ADCK1: variants seen among roughly 807,000 people sequenced by gnomAD.
The protein encoded by ADCK1 is aarF domain containing kinase 1.
ADCK1 carries 41 observed loss-of-function variants against 52.3 expected under a neutral mutation model. The observed-to-expected ratio is 0.78, with a 90% confidence interval of 0.61 to 1.02. The LOEUF is 1.02. Ranked by LOEUF, ADCK1 falls within the 50% of genes least tolerant of loss-of-function variation. The pLI, the probability that ADCK1 is intolerant of heterozygous loss-of-function variation, is 0.00. For synonymous variants in ADCK1, 250 were observed against 274.6 expected, an observed-to-expected ratio of 0.91 and a Z score of 0.89; for missense variants, 658 against 679.5, an observed-to-expected ratio of 0.97 and a Z score of 0.35.
intron 3 of ADCK1, among the ~76,000 whole-genome samples, chr14:77,839,909 A>T (rs1301542143): frequency 9.5e-6 from 1 of 104,868 alleles, no homozygotes; most frequent in African/African-American, 3.9e-5. Context: ...ACAGAGTGAG[A>T]CCCTGTCTCA....
chr14:77,903,263 G>A (rs2083587443), intron 6 of ADCK1, among the ~76,000 whole-genome samples: 1 of 152,222 alleles, frequency 6.6e-6, no homozygotes, highest in South Asian at 2.1e-4. Flanking sequence ...ATAACAAGGG[G>A]GAAGTGAATT....
In ADCK1 at chr14:77,824,125, C is replaced by G. The variant is rs371895302; in HGVS notation, c.219+1607C>G. Among the ~76,000 whole-genome samples, 32 of 151,774 alleles carry G rather than the reference C, an allele frequency of 2.1e-4. 1 individual carries two copies. The East Asian group carries it at 4.1e-3, about 20-fold the overall frequency. On this transcript the variant is annotated intron_variant, in intron 3 of 10. Coordinates refer to ENST00000238561, the MANE Select transcript of ADCK1 (RefSeq NM_020421.4). The stretch of plus-strand genomic sequence containing the variant: ...TGACGGCCAGGCTGGTCTTGAACTC[C>G]TGGCCTCAAGTGATCCGCCGCCTCA...
chr14:77,842,762 C>G (rs779817022), intron 3 of ADCK1, among the ~76,000 whole-genome samples: 2 of 151,982 alleles, frequency 1.3e-5, no homozygotes, highest in Non-Finnish European at 2.9e-5. Flanking sequence ...GTTGGCCAGG[C>G]TTGTCTTGAA....
At position 77,933,776 on chromosome 14, in the gene ADCK1, C is replaced by A. The variant is rs888603451; in HGVS notation, c.*385C>A. ...ATTTTGTTGGAGGTGCACATGGTCT[C>A]TGAATTTGACAGAGAACACCTTCCC... is the stretch of plus-strand genomic sequence containing the variant. On this transcript the variant is annotated 3_prime_UTR_variant, in exon 11 of 11. Coordinates refer to ENST00000238561, the MANE Select transcript of ADCK1 (RefSeq NM_020421.4). 2.5e-4 allele frequency: 47 copies of A among 191,310 alleles called. No homozygotes were observed. Among genetic ancestry groups the A allele is most frequent in the African/African-American group, 1.0e-3 (45 of 43,362 alleles). 11.9% of individuals were successfully genotyped at this position (191,310 alleles called of 1,614,324 possible).
intron 9 of ADCK1, among the ~76,000 whole-genome samples, chr14:77,928,868 C>T (rs935704223): frequency 1.3e-5 from 2 of 152,208 alleles, no homozygotes; most frequent in Non-Finnish European, 2.9e-5. Context: ...CCAAAAGTCA[C>T]CCCTTAATAC....
intron 4 of ADCK1, among the ~76,000 whole-genome samples, chr14:77,875,297 G>A (rs954639534): frequency 2.0e-5 from 3 of 152,070 alleles, no homozygotes; most frequent in Non-Finnish European, 4.4e-5. Context: ...GGACGGTGGT[G>A]GGTGTTAGCA....
intron 1 of ADCK1, among the ~76,000 whole-genome samples, chr14:77,806,901 G>C (rs2081235455): frequency 6.6e-6 from 1 of 152,010 alleles, no homozygotes; most frequent in Non-Finnish European, 1.5e-5. Context: ...TTTTAGGAGA[G>C]ATGGTGTTTC....
chr14:77,874,444 G>A (rs1245293442), intron 4 of ADCK1, among the ~76,000 whole-genome samples: 1 of 152,178 alleles, frequency 6.6e-6, no homozygotes, highest in African/African-American at 2.4e-5. Context: ...GTACAGAAAG[G>A]CATGGAGAAG....
chr14:77,850,972 T>A (rs1449070616), intron 3 of ADCK1, among the ~76,000 whole-genome samples: 3 of 152,092 alleles, frequency 2.0e-5, no homozygotes, highest in South Asian at 2.1e-4. Context: ...TCTTTTTTTT[T>A]ATCCTTCTAT....
rs553302723 is a variant in ADCK1 at position 77,891,921 on chromosome 14, C to T, written c.582+4672C>T. 3.9e-5 allele frequency among the ~76,000 whole-genome samples: 6 copies of T among 152,264 alleles called. No homozygotes were observed. In the South Asian group the frequency reaches 6.2e-4, roughly 16 times the overall value. ...TTCTGTGTTGAGACCTAAATGGTGT[C>T]TTATATTTAGGAATGACAATCCAAG... On this transcript the variant is annotated intron_variant, in intron 5 of 10. Coordinates refer to ENST00000238561, the MANE Select transcript of ADCK1 (RefSeq NM_020421.4).
intron 3 of ADCK1, among the ~76,000 whole-genome samples, chr14:77,831,229 T>C (rs1187709385): frequency 6.6e-6 from 1 of 152,026 alleles, no homozygotes; most frequent in Non-Finnish European, 1.5e-5. Context: ...GAGGAAGGGG[T>C]GAGCTGAGCA....
rs1417400831 is a variant in ADCK1, at chr14:77,931,632, A to G, written c.1321A>G (p.Ile441Val). Reference sequence around the variant, plus strand: ...GAAGACCAACGACCTGCTGCGTGGCATTGAGGCCGCCCTGGGCACCCGCGC... The same window carrying G: ...GAAGACCAACGACCTGCTGCGTGGCGTTGAGGCCGCCCTGGGCACCCGCGC... ...ILKTNDLLRG[I>V]EAALGTRASA... The change falls in exon 10 of 11, where the codon ATT becomes GTT. Residue 441 changes from isoleucine to valine, a missense_variant. Ile to Val is a conservative substitution (Grantham distance 29, BLOSUM62 3). Coordinates refer to ENST00000238561, the MANE Select transcript of ADCK1 (RefSeq NM_020421.4). The G allele has an allele frequency of 3.1e-6, 5 of 1,612,822 alleles. No individual in the cohort carries two copies. The highest frequency in any genetic ancestry group is 4.2e-6 in the Non-Finnish European group (5 of 1,180,032).
At position 77,890,694 on chromosome 14, in the gene ADCK1, C is replaced by T. The variant is rs188862315; in HGVS notation, c.582+3445C>T. Among the ~76,000 whole-genome samples, 21 of 152,094 alleles carry T rather than the reference C, an allele frequency of 1.4e-4. No homozygotes were observed. In the East Asian group the frequency reaches 2.5e-3, roughly 18 times the overall value. ...ACTGGAAAGGGTATTTTGGATCTGG[C>T]GATTTAGGGTGGTTAGAAAGAGCAG... On this transcript the variant is annotated intron_variant, in intron 5 of 10. Coordinates refer to ENST00000238561, the MANE Select transcript of ADCK1 (RefSeq NM_020421.4).
At chr14:77,819,881 T>C (rs2081543827) in intron 2 of ADCK1, among the ~76,000 whole-genome samples, 1 of 152,202 alleles carries the variant, frequency 6.6e-6, no homozygotes, top group Non-Finnish European at 1.5e-5. Flanking sequence ...GGTTGTCATC[T>C]CACCATCTCC....
At chr14:77,816,483 C>G (rs1371283714) in intron 1 of ADCK1, among the ~76,000 whole-genome samples, 6 of 152,078 alleles carry the variant, frequency 3.9e-5, no homozygotes, top group African/African-American at 1.4e-4. Context: ...GGAAGGAATG[C>G]TGATATCATG....
chr14:77,914,610 C>T, intron 7 of ADCK1: 3 of 984,486 alleles, frequency 3.0e-6, no homozygotes, highest in Non-Finnish European at 3.6e-6. Context: ...CAGAGGGTTT[C>T]AAAGTTAGGG....
chr14:77,845,212 C>T (rs184504541), intron 3 of ADCK1, among the ~76,000 whole-genome samples: 9 of 152,288 alleles, frequency 5.9e-5, no homozygotes, highest in East Asian at 3.9e-4. Flanking sequence ...GTTAGACTGC[C>T]GGGATTCAGA....
rs71128696 is a variant in ADCK1 at position 77,841,674 on chromosome 14, CAA to C, written c.220-17381_220-17380del. Among the ~76,000 whole-genome samples, 418 of 74,242 alleles carry C rather than the reference CAA, an allele frequency of 5.6e-3. 3 individuals are homozygous for C. Among genetic ancestry groups the C allele is most frequent in the African/African-American group, 0.021 (336 of 15,704 alleles). 48.7% of individuals were successfully genotyped at this position (74,242 alleles called of 152,430 possible). On this transcript the variant is annotated intron_variant, in intron 3 of 10. Transcript: ENST00000238561. ...TGAAACCCCATCTCTACTAAAAATA[CAA>C]AAAAAAAAAAAAAAAAAAAATTAGC...
chr14:77,900,624 A>G (rs734654), intron 6 of ADCK1: 191,005 of 453,026 alleles, frequency 0.42, 42,326 homozygotes, highest in Admixed American at 0.56. Flanking sequence ...AATGGGACAG[A>G]AAGTTGTAAG....
Sources: allele counts gnomAD v4.1 joint callset (sites outside exome capture counted in the v4.1 genomes callset), GRCh38; gene constraint gnomAD v4.1.1; transcripts MANE v1.5; gene names NCBI Gene and HGNC (gene_info 2026-07-23, HGNC 2026-07-21).